The following ELL2 variants were observed in gnomAD, a reference collection of about 807,000 sequenced individuals.
ELL2 encodes the protein RNA polymerase II elongation factor ELL2.
In ELL2, 21 loss-of-function variants were observed where a neutral mutation model predicts 72.8. That is an observed-to-expected ratio of 0.29 (90% CI 0.20 to 0.42). ELL2 has a LOEUF of 0.42. Among genes scored for constraint, ELL2 ranks in the 10% least tolerant of loss-of-function variants. The probability of loss-of-function intolerance (pLI) is 1.00; values close to 1 mark genes in which losing one functional copy is unlikely to be tolerated. For synonymous variants in ELL2, 266 were observed against 283.2 expected, an observed-to-expected ratio of 0.94 and a Z score of 0.61; for missense variants, 568 against 772.8, an observed-to-expected ratio of 0.73 and a Z score of 3.14.
At chr5:95,900,305 CA>C (rs1042674052) in intron 7 of ELL2, 10 of 155,384 alleles carry the variant, frequency 6.4e-5, no homozygotes, top group Non-Finnish European at 9.9e-5. Context: ...CCATTTTCCC[CA>C]AAAAATATTC....
At chr5:95,958,033 G>A (rs1456190658) in intron 1 of ELL2, among the ~76,000 whole-genome samples, 2 of 152,144 alleles carry the variant, frequency 1.3e-5, no homozygotes, top group African/African-American at 4.8e-5. Flanking sequence ...TGAAATTTCT[G>A]GCTCTTAGTC....
At chr5:95,937,747 T>C (rs1162535731) in intron 2 of ELL2, among the ~76,000 whole-genome samples, 1 of 152,132 alleles carries the variant, frequency 6.6e-6, no homozygotes, top group Non-Finnish European at 1.5e-5. Flanking sequence ...TGGTATTAAT[T>C]ACACTCAGAG....
chr5:95,890,018 G>T (rs1207852632), intron 10 of ELL2, among the ~76,000 whole-genome samples: 1 of 152,102 alleles, frequency 6.6e-6, no homozygotes, highest in African/African-American at 2.4e-5. Context: ...CCATTTTATG[G>T]ATGGGGAATT....
intron 5 of ELL2, among the ~76,000 whole-genome samples, chr5:95,905,409 G>A (rs569558576): frequency 6.6e-6 from 1 of 152,180 alleles, no homozygotes; most frequent in African/African-American, 2.4e-5. Context: ...TTCTGGAGAT[G>A]CAGTTACCAA....
At chr5:95,891,952 T>C (rs963843495) in intron 9 of ELL2, among the ~76,000 whole-genome samples, 3 of 152,224 alleles carry the variant, frequency 2.0e-5, no homozygotes, top group African/African-American at 7.2e-5. Context: ...TTAAATGTCA[T>C]ACTATGTTGA....
At chr5:95,907,592 T>C (rs1297327914) in intron 4 of ELL2, among the ~76,000 whole-genome samples, 1 of 152,098 alleles carries the variant, frequency 6.6e-6, no homozygotes, top group Non-Finnish European at 1.5e-5. Flanking sequence ...TATGTGTATG[T>C]GTGAAGCTAT....
rs147314300 is a variant in ELL2 at position 95,951,675 on chromosome 5, G to A, written c.148-8626C>T. On this transcript the variant is annotated intron_variant, in intron 1 of 11. Coordinates refer to ENST00000237853, the MANE Select transcript of ELL2 (RefSeq NM_012081.6). ...TTACAAAGGGAGCCATTGGGGACTT[G>A]AAACTGGGAGACTACTTGATCATAT... Among the ~76,000 whole-genome samples, 1,306 of 152,230 alleles carry A rather than the reference G, an allele frequency of 8.6e-3. 17 individuals are homozygous for A. The highest frequency in any genetic ancestry group is 0.03 in the African/African-American group (1,260 of 41,544).
At chr5:95,907,200 G>A (rs1486052938) in intron 4 of ELL2, among the ~76,000 whole-genome samples, 1 of 151,116 alleles carries the variant, frequency 6.6e-6, no homozygotes, top group African/African-American at 2.4e-5. Flanking sequence ...ACTCTTGGCT[G>A]AGCATTACGT....
chr5:95,918,429 C>A (rs1749914699), intron 3 of ELL2, among the ~76,000 whole-genome samples: 2 of 152,092 alleles, frequency 1.3e-5, no homozygotes, highest in Admixed American at 1.3e-4. Flanking sequence ...ATGAATATAT[C>A]CTTGGGGAAA....
At chr5:95,901,884 C>T (rs574850599) in intron 5 of ELL2, among the ~76,000 whole-genome samples, 48 of 152,300 alleles carry the variant, frequency 3.2e-4, no homozygotes, top group African/African-American at 3.4e-4. Context: ...ACATCCTGGG[C>T]GGGACAGAGC....
At chr5:95,961,482 C>T in intron 1 of ELL2, 93 bp downstream of exon 1, 1 of 1,337,300 alleles carries the variant, frequency 7.5e-7, no homozygotes, top group Non-Finnish European at 9.6e-7. Context: ...CAGCTGCCAG[C>T]CACGGCTCCG....
intron 2 of ELL2, among the ~76,000 whole-genome samples, chr5:95,929,419 C>A (rs751585128): frequency 1.3e-5 from 2 of 151,988 alleles, no homozygotes; most frequent in Non-Finnish European, 2.9e-5. Flanking sequence ...CCACCACATC[C>A]GGCTAATTTT....
chr5:95,942,403 T>C (rs1168854206), intron 2 of ELL2, among the ~76,000 whole-genome samples: 12 of 152,162 alleles, frequency 7.9e-5, no homozygotes, highest in Admixed American at 7.2e-4. Context: ...GTAATAATTT[T>C]AAAGTACTGA....
At chr5:95,922,941 G>T (rs1750145652) in intron 2 of ELL2, among the ~76,000 whole-genome samples, 1 of 152,188 alleles carries the variant, frequency 6.6e-6, no homozygotes, top group African/African-American at 2.4e-5. Context: ...GGTCTGGGAG[G>T]GTGCTATTGG....
At position 95,927,410 on chromosome 5, in the gene ELL2, TGTGTATATAGACATAC is replaced by T. The variant is rs1750348286; in HGVS notation, c.196-7881_196-7866del. On this transcript the variant is annotated intron_variant, in intron 2 of 11. Transcript: ENST00000237853. Reference sequence around the variant, plus strand: ...GTGTATATATAGACATACACACACGTGTGTATATAGACATACACACACACGTGTGTATATAGACATA... The same window carrying T: ...GTGTATATATAGACATACACACACGTACACACACGTGTGTATATAGACATA... Among the ~76,000 whole-genome samples, 2 of 42,824 alleles carry T rather than the reference TGTGTATATAGACATAC, an allele frequency of 4.7e-5. 1 individual carries two copies. Among genetic ancestry groups the T allele is most frequent in the Admixed American group, 3.6e-4 (2 of 5,544 alleles). The allele number at this position is 42,824 out of a possible 152,430, so 28.1% of individuals were successfully genotyped here.
Position 95,927,359 on chromosome 5 carries a change from A to G in ELL2, c.196-7814T>C, listed in dbSNP as rs183886427. On this transcript the variant is annotated intron_variant, in intron 2 of 11. Coordinates refer to ENST00000237853, the MANE Select transcript of ELL2 (RefSeq NM_012081.6). ...GAATTGTTTCAGTATGTGTATGTGT[A>G]TATATAGACATACACACACACACGT... Among the ~76,000 whole-genome samples the G allele has an allele frequency of 7.7e-4, 100 of 129,078 alleles. 1 individual carries two copies. Among genetic ancestry groups the G allele is most frequent in the African/African-American group, 3.1e-3 (93 of 29,950 alleles). 84.7% of individuals were successfully genotyped at this position (129,078 alleles called of 152,430 possible). A position where few individuals can be genotyped will look rare whatever the true frequency, so the allele number is the denominator to read the frequency against.
At chr5:95,927,357 GTATA>G (rs144248172) in intron 2 of ELL2, among the ~76,000 whole-genome samples, 3 of 139,138 alleles carry the variant, frequency 2.2e-5, no homozygotes, top group Middle Eastern at 3.5e-3. Context: ...ATGTGTATGT[GTATA>G]TATAGACATA....
intron 2 of ELL2, among the ~76,000 whole-genome samples, chr5:95,920,500 C>T (rs996431419): frequency 2.6e-5 from 4 of 151,646 alleles, no homozygotes; most frequent in South Asian, 2.1e-4. Context: ...TTAGTAGAGA[C>T]GGGGTTTCAC....
chr5:95,923,374 C>T (rs1750167392), intron 2 of ELL2, among the ~76,000 whole-genome samples: 1 of 152,204 alleles, frequency 6.6e-6, no homozygotes, highest in African/African-American at 2.4e-5. Context: ...CAAACCACCT[C>T]TGTCCTCACC....
Sources: allele counts gnomAD v4.1 joint callset (sites outside exome capture counted in the v4.1 genomes callset), GRCh38; gene constraint gnomAD v4.1.1; transcripts MANE v1.5; gene names NCBI Gene and HGNC (gene_info 2026-07-23, HGNC 2026-07-21).